The following SDCBP variants were observed in gnomAD, a reference collection of about 807,000 sequenced individuals.
SDCBP encodes the protein syntenin-1.
Under a neutral mutation model 30.5 loss-of-function variants are expected in SDCBP, and 22 were observed. That is an observed-to-expected ratio of 0.72 (90% CI 0.52 to 1.03). SDCBP has a LOEUF of 1.03. SDCBP is among the 50% of genes least tolerant of loss of function. SDCBP has a pLI of 0.00. For synonymous variants in SDCBP, 103 were observed against 118.7 expected (o/e 0.87, Z 0.86); for missense variants, 304 against 369.9 (o/e 0.82, Z 1.46).
At chr8:58,566,696 T>A (rs150959122) in intron 2 of SDCBP, among the ~76,000 whole-genome samples, 2,582 of 152,290 alleles carry the variant, frequency 0.017, 33 homozygotes, top group African/African-American at 0.036. Flanking sequence ...TTTTGCATCA[T>A]TTTCTAAGGT....
At chr8:58,565,241 T>C (rs1804642549) in intron 2 of SDCBP, among the ~76,000 whole-genome samples, 157 bp downstream of exon 2, 1 of 152,120 alleles carries the variant, frequency 6.6e-6, no homozygotes, top group Admixed American at 6.5e-5. Flanking sequence ...CTGAAAAGTT[T>C]ACAGAAAAAT....
In SDCBP at chr8:58,564,882, T is replaced by A. The variant is rs1279508316; in HGVS notation, c.-15-137T>A. ...TTTTAGTATGGCCTATATATTCTTA[T>A]TTTTTAATATGTTTTGCAATTTAAA... On this transcript the variant is annotated intron_variant, in intron 1 of 8. Transcript: ENST00000260130. 3 of 501,202 alleles carry A rather than the reference T, an allele frequency of 6.0e-6. No individual in the cohort carries two copies. In the African/African-American group the frequency reaches 6.1e-5, roughly 10 times the overall value. The allele number at this position is 501,202 out of a possible 1,614,324, so 31.0% of individuals were successfully genotyped here. A position where few individuals can be genotyped will look rare whatever the true frequency, so the allele number is the denominator to read the frequency against.
intron 1 of SDCBP, chr8:58,560,997 A>G (rs982472354): frequency 6.6e-6 from 1 of 152,250 alleles, no homozygotes; most frequent in Admixed American, 6.5e-5. Context: ...AAAATGCTGC[A>G]TGAACAAAAT....
chr8:58,573,727 G>T (rs1407281504), intron 4 of SDCBP, among the ~76,000 whole-genome samples: 4 of 152,184 alleles, frequency 2.6e-5, no homozygotes, highest in Non-Finnish European at 5.9e-5. Flanking sequence ...TGTCATTCCA[G>T]TCACTGACAA....
chr8:58,562,290 G>C (rs866027190), intron 1 of SDCBP, among the ~76,000 whole-genome samples: 11 of 151,996 alleles, frequency 7.2e-5, no homozygotes, highest in Admixed American at 3.3e-4. Flanking sequence ...GTTTATAAGA[G>C]ACTCACTTCA....
rs1412708582 is a variant in SDCBP at position 58,557,361 on chromosome 8, TA to T, written c.-16+4063del. ...TAAATATATAAAATATATAGATATA[TA>T]AAAATATATAAATATAAAAATATTT... On this transcript the variant is annotated intron_variant, in intron 1 of 8. Transcript: ENST00000260130. Among the ~76,000 whole-genome samples the T allele has an allele frequency of 9.7e-5, 13 of 134,248 alleles. No homozygotes were observed. The South Asian group carries it at 2.5e-3, about 26-fold the overall frequency. The allele number at this position is 134,248 out of a possible 152,430, so 88.1% of individuals were successfully genotyped here.
intron 1 of SDCBP, among the ~76,000 whole-genome samples, chr8:58,562,183 T>A (rs887198356): frequency 6.6e-6 from 1 of 151,992 alleles, no homozygotes; most frequent in Admixed American, 6.6e-5. Flanking sequence ...AGTCCTTCCC[T>A]ATCAGTAATA....
rs1054097197 is a variant in SDCBP at position 58,581,963 on chromosome 8, A to G, written c.*223A>G. The G allele has an allele frequency of 2.3e-5, 12 of 521,090 alleles. No individual in the cohort carries two copies. Among genetic ancestry groups the G allele is most frequent in the Non-Finnish European group, 4.1e-5 (12 of 291,068 alleles). 32.3% of individuals were successfully genotyped at this position (521,090 alleles called of 1,614,324 possible). A position where few individuals can be genotyped will look rare whatever the true frequency, so the allele number is the denominator to read the frequency against. On this transcript the variant is annotated 3_prime_UTR_variant, in exon 9 of 9. Coordinates refer to ENST00000260130, the MANE Select transcript of SDCBP (RefSeq NM_005625.4). ...TGGTTTTACAGATGTGAAACTTTCA[A>G]GAGATTTACTGACTTTCCTAGAATA...
intron 2 of SDCBP, among the ~76,000 whole-genome samples, chr8:58,567,693 C>G (rs1804777748): frequency 6.6e-6 from 1 of 152,136 alleles, no homozygotes; most frequent in South Asian, 2.1e-4. Context: ...TGTACTTCCA[C>G]AAATGTAGAT....
chr8:58,559,052 T>A (rs2129607341), intron 1 of SDCBP, among the ~76,000 whole-genome samples: 1 of 152,346 alleles, frequency 6.6e-6, no homozygotes, highest in South Asian at 2.1e-4. Flanking sequence ...TTTTCAGAAG[T>A]GTAAATTACG....
chr8:58,568,963 C>A (rs1290338362), intron 2 of SDCBP, among the ~76,000 whole-genome samples: 2 of 152,142 alleles, frequency 1.3e-5, no homozygotes, highest in African/African-American at 4.8e-5. Context: ...TGGTTCACTG[C>A]AGCGTCCATC....
chr8:58,565,555 AT>A (rs1804662942), intron 2 of SDCBP, among the ~76,000 whole-genome samples: 1 of 152,098 alleles, frequency 6.6e-6, no homozygotes, highest in Non-Finnish European at 1.5e-5. Context: ...AAGTGTAGTG[AT>A]TTCTTTCCTT....
intron 2 of SDCBP, among the ~76,000 whole-genome samples, chr8:58,569,037 A>T (rs1016579424): frequency 5.9e-5 from 9 of 151,944 alleles, no homozygotes; most frequent in African/African-American, 2.2e-4. Context: ...TAGCTAGTTT[A>T]AAAAGAAAAT....
intron 2 of SDCBP, among the ~76,000 whole-genome samples, chr8:58,566,607 T>A: frequency 6.6e-6 from 1 of 152,318 alleles, no homozygotes; most frequent in Admixed American, 6.5e-5. Flanking sequence ...CATGGTTCTT[T>A]TATTACCCCT....
In SDCBP at chr8:58,579,609, A is replaced by G; in HGVS notation, c.579-14A>G. The G allele has an allele frequency of 1.3e-6, 2 of 1,512,572 alleles. No homozygotes were observed. The highest frequency in any genetic ancestry group is 1.8e-6 in the Non-Finnish European group (2 of 1,128,054). 93.7% of individuals were successfully genotyped at this position (1,512,572 alleles called of 1,614,324 possible). A position where few individuals can be genotyped will look rare whatever the true frequency, so the allele number is the denominator to read the frequency against. Reference sequence around the variant, plus strand: ...TTAGAATTAAGTTTTTAATTGAACCAATTATGTTTGTAGGCCCTTTGAACG... The same window carrying G: ...TTAGAATTAAGTTTTTAATTGAACCGATTATGTTTGTAGGCCCTTTGAACG... On this transcript the variant is annotated splice_polypyrimidine_tract_variant and intron_variant, in intron 6 of 8. Coordinates refer to ENST00000260130, the MANE Select transcript of SDCBP (RefSeq NM_005625.4).
At chr8:58,566,448 A>T (rs1469937864) in intron 2 of SDCBP, among the ~76,000 whole-genome samples, 1 of 152,178 alleles carries the variant, frequency 6.6e-6, no homozygotes, top group Admixed American at 6.5e-5. Context: ...ATTGACAAAT[A>T]TTGGAATGAA....
At chr8:58,553,770 T>C (rs1803950831) in intron 1 of SDCBP, among the ~76,000 whole-genome samples, 1 of 152,252 alleles carries the variant, frequency 6.6e-6, no homozygotes, top group African/African-American at 2.4e-5. Flanking sequence ...TTAATCGCCC[T>C]TCTTTTGGGT....
chr8:58,567,918 G>C (rs1408652123), intron 2 of SDCBP, among the ~76,000 whole-genome samples: 1 of 152,158 alleles, frequency 6.6e-6, no homozygotes, highest in Non-Finnish European at 1.5e-5. Context: ...TCTGTATAAG[G>C]CACTTACCAT....
chr8:58,555,963 C>A (rs1049749713), intron 1 of SDCBP, among the ~76,000 whole-genome samples: 2 of 152,078 alleles, frequency 1.3e-5, no homozygotes, highest in East Asian at 3.9e-4. Context: ...CACAACTTTA[C>A]TAGAAATTTT....
Sources: allele counts gnomAD v4.1 joint callset (sites outside exome capture counted in the v4.1 genomes callset), GRCh38; gene constraint gnomAD v4.1.1; transcripts MANE v1.5; gene names NCBI Gene and HGNC (gene_info 2026-07-23, HGNC 2026-07-21).